Variants in ACKR3 observed in about 807,000 individuals in gnomAD.
The protein encoded by ACKR3 is C-X-C chemokine receptor type 7.
Under a neutral mutation model 22.4 loss-of-function variants are expected in ACKR3, and 6 were observed. The observed-to-expected ratio is 0.27, with a 90% CI of 0.15 to 0.53. The LOEUF is 0.53. ACKR3 is among the 20% of genes least tolerant of loss of function. The pLI, the probability that ACKR3 is intolerant of heterozygous loss-of-function variation, is 0.96. For missense variants in ACKR3, 396 were observed against 475.2 expected (o/e 0.83, Z 1.55); for synonymous variants, 209 against 205.2 (o/e 1.02, Z -0.16).
the ACKR3 span, among the ~76,000 whole-genome samples, chr2:236,542,348 T>C: frequency 6.6e-6 from 1 of 152,200 alleles, no homozygotes; most frequent in African/African-American, 2.4e-5. Context: ...AGCACATCAC[T>C]GGACATGACC....
the ACKR3 span, among the ~76,000 whole-genome samples, chr2:236,552,734 T>C: frequency 6.6e-6 from 1 of 151,914 alleles, no homozygotes; most frequent in South Asian, 2.1e-4. Flanking sequence ...AGTAATAACA[T>C]AGAGCATGTA....
the ACKR3 span, among the ~76,000 whole-genome samples, chr2:236,558,795 GT>G: frequency 6.6e-6 from 1 of 152,106 alleles, no homozygotes; most frequent in Non-Finnish European, 1.5e-5. Context: ...GTCTCACGTT[GT>G]TTTAAGCTCT....
chr2:236,555,189 C>T, the ACKR3 span, among the ~76,000 whole-genome samples: 1 of 152,188 alleles, frequency 6.6e-6, no homozygotes, highest in Non-Finnish European at 1.5e-5. Context: ...ATACATGAGC[C>T]GTTTTTCTGC....
the ACKR3 span, among the ~76,000 whole-genome samples, chr2:236,545,269 T>G: frequency 1.3e-5 from 2 of 152,176 alleles, no homozygotes; most frequent in Non-Finnish European, 2.9e-5. This position sits in a 1 kb window ranked among gnomAD's most constrained non-coding sequence, Gnocchi z 5.3. Context: ...CCAAGGGAGT[T>G]TGAGAGTTCG....
chr2:236,551,556 G>T, the ACKR3 span, among the ~76,000 whole-genome samples: 2 of 152,144 alleles, frequency 1.3e-5, 1 homozygote, highest in African/African-American at 4.8e-5. Context: ...AAAACTGGGT[G>T]CAGACACCAG....
At chr2:236,558,202 T>C in the ACKR3 span, among the ~76,000 whole-genome samples, 1 of 152,166 alleles carries the variant, frequency 6.6e-6, no homozygotes, top group East Asian at 1.9e-4. Flanking sequence ...TGCCTGCTCC[T>C]TGGGGAGCAG....
At chr2:236,552,474 C>T in the ACKR3 span, among the ~76,000 whole-genome samples, 1 of 152,208 alleles carries the variant, frequency 6.6e-6, no homozygotes, top group African/African-American at 2.4e-5. Context: ...CCCAGTCTTT[C>T]CCCCCTCCTT....
chr2:236,566,840 CTTTCTTTCTTTCT>C (rs1691194073), upstream of ACKR3, among the ~76,000 whole-genome samples: 1 of 142,174 alleles, frequency 7.0e-6, no homozygotes, highest in African/African-American at 2.7e-5. Context: ...TCTCTTTCCT[CTTTCTTTCTTTCT>C]TTTCTTTCTT....
At chr2:236,551,333 G>T in the ACKR3 span, among the ~76,000 whole-genome samples, 2 of 152,194 alleles carry the variant, frequency 1.3e-5, no homozygotes, top group African/African-American at 4.8e-5. Flanking sequence ...GACCCCACTG[G>T]TGGCTTGGAG....
the ACKR3 span, among the ~76,000 whole-genome samples, chr2:236,537,804 T>G: frequency 1.3e-5 from 2 of 152,274 alleles, no homozygotes; most frequent in East Asian, 1.9e-4. Context: ...CCGCCTTTAC[T>G]TTTGTCTGCA....
the ACKR3 span, among the ~76,000 whole-genome samples, chr2:236,546,797 C>T: frequency 1.7e-4 from 26 of 152,324 alleles, no homozygotes; most frequent in African/African-American, 5.1e-4. The surrounding 1 kb of genome is among the most constrained non-coding windows in gnomAD (Gnocchi z 4.9). Flanking sequence ...TTCCTGTGAC[C>T]GTTATGCAGG....
chr2:236,570,799 T>C (rs1374479226), intron 1 of ACKR3, among the ~76,000 whole-genome samples: 2 of 152,152 alleles, frequency 1.3e-5, no homozygotes, highest in Non-Finnish European at 2.9e-5. Context: ...CCAGGGAGAA[T>C]GAGAAGTTGT....
chr2:236,564,076 C>T (rs527381240), upstream of ACKR3, among the ~76,000 whole-genome samples: 7 of 152,330 alleles, frequency 4.6e-5, no homozygotes, highest in Admixed American at 3.3e-4. Flanking sequence ...CTTTCCATGC[C>T]CCTGCGACAG....
chr2:236,537,146 T>G, the ACKR3 span, among the ~76,000 whole-genome samples: 1 of 152,328 alleles, frequency 6.6e-6, no homozygotes, highest in East Asian at 1.9e-4. Flanking sequence ...CACTGCTTGG[T>G]TAAACACGGT....
chr2:236,548,299 C>T, the ACKR3 span, among the ~76,000 whole-genome samples: 34 of 152,112 alleles, frequency 2.2e-4, no homozygotes, highest in African/African-American at 8.0e-4. The surrounding 1 kb of genome is among the most constrained non-coding windows in gnomAD (Gnocchi z 4.3). Context: ...GAGAATGCCT[C>T]TCCCAGAAAG....
rs777169369 is a variant in ACKR3 at position 236,577,020 on chromosome 2, G to A, written c.-26-3420G>A. ...TTTGGTGGTGGGAAGGGAGAGGCCC[G>A]TCCAGGCCCCGAGAGGAAAGCAGGT... On this transcript the variant is annotated intron_variant, in intron 1 of 1. Transcript: ENST00000272928. The surrounding 1 kb of genome is among the most constrained non-coding windows in gnomAD (Gnocchi z 5.6). Among the ~76,000 whole-genome samples the A allele has an allele frequency of 6.6e-6, 1 of 152,198 alleles. No homozygotes were observed. The highest frequency in any genetic ancestry group is 6.5e-5 in the Admixed American group (1 of 15,280).
At chr2:236,552,074 C>T in the ACKR3 span, among the ~76,000 whole-genome samples, 1 of 152,180 alleles carries the variant, frequency 6.6e-6, no homozygotes, top group East Asian at 1.9e-4. Flanking sequence ...GAACTTTCTG[C>T]CTGGGTTTCC....
chr2:236,547,525 C>T, the ACKR3 span, among the ~76,000 whole-genome samples: 1 of 152,130 alleles, frequency 6.6e-6, no homozygotes, highest in Non-Finnish European at 1.5e-5. Flanking sequence ...TTTCCTGAGA[C>T]CATTTTATTC....
At chr2:236,537,296 G>T in the ACKR3 span, among the ~76,000 whole-genome samples, 1 of 152,232 alleles carries the variant, frequency 6.6e-6, no homozygotes, top group African/African-American at 2.4e-5. Context: ...AGCCTGCCTT[G>T]GTCCTAAGTG....
Sources: gnomAD v4.1 joint callset for allele counts (sites outside exome capture counted in the v4.1 genomes callset) on GRCh38, gnomAD v4.1.1 for gene constraint, Gnocchi (gnomAD v3.1) non-coding constraint, MANE v1.5 for transcripts, NCBI Gene and HGNC (gene_info 2026-07-23, HGNC 2026-07-21) for gene names.